The following ZCCHC24 variants were observed in gnomAD, a reference collection of about 807,000 sequenced individuals.
ZCCHC24 encodes the protein zinc finger CCHC domain-containing protein 24.
ZCCHC24 carries 10 observed loss-of-function variants against 26.2 expected under a neutral mutation model. The observed-to-expected ratio is 0.38, with a 90% CI of 0.24 to 0.65. The LOEUF (loss-of-function observed/expected upper bound fraction) is 0.65. Among genes scored for constraint, ZCCHC24 ranks in the 30% least tolerant of loss-of-function variants. ZCCHC24 has a pLI of 0.54. For synonymous variants in ZCCHC24, 144 were observed against 147.1 expected, an observed-to-expected ratio of 0.98 and a Z score of 0.15; for missense variants, 243 against 329.1, an observed-to-expected ratio of 0.74 and a Z score of 2.03.
At chr10:79,435,774 G>A (rs970154895) in intron 1 of ZCCHC24, among the ~76,000 whole-genome samples, 16 of 152,240 alleles carry the variant, frequency 1.1e-4, no homozygotes. Flanking sequence ...GCTGGCCAGT[G>A]TGAAGGGTGG....
chr10:79,397,451 A>T (rs1360029234), intron 2 of ZCCHC24, among the ~76,000 whole-genome samples: 1 of 152,126 alleles, frequency 6.6e-6, no homozygotes, highest in Non-Finnish European at 1.5e-5. Context: ...TGTCCCTCTG[A>T]CTGTTTCTGG....
chr10:79,445,444 G>A lies in ZCCHC24; in HGVS notation c.-4C>T, dbSNP rs1255849232. The A allele has an allele frequency of 1.4e-6, 2 of 1,445,590 alleles. No homozygotes were observed. Among genetic ancestry groups the A allele is most frequent in the Non-Finnish European group, 1.8e-6 (2 of 1,091,734 alleles). The allele number at this position is 1,445,590 out of a possible 1,614,324, so 89.5% of individuals were successfully genotyped here. On this transcript the variant is annotated 5_prime_UTR_variant, in exon 1 of 4. Transcript: ENST00000372336. ...CGATGGCCGACAGCAGGCTCATTTT[G>A]TGGCGGCGGTGCCGGCCCCTCCCCG...
chr10:79,423,589 A>ATATTTTATATATATATATATTT (rs1201819628), intron 2 of ZCCHC24, among the ~76,000 whole-genome samples: 1 of 93,106 alleles, frequency 1.1e-5, no homozygotes, highest in Admixed American at 1.0e-4. Context: ...TACTATATAT[A>ATATTTTATATATATATATATTT]TATATATATA....
At position 79,423,581 on chromosome 10, in the gene ZCCHC24, C is replaced by CTATATATATATTTTATATATATATATA; in HGVS notation, c.447+8976_447+8977insTATATATATATATAAAATATATATATA. On this transcript the variant is annotated intron_variant, in intron 2 of 3. Transcript: ENST00000372336. ...AACAAAAACAAACAAAATATATATA[C>CTATATATATATTTTATATATATATATA]TATATATATATATATATATATATAT... 2.7e-3 allele frequency among the ~76,000 whole-genome samples: 146 copies of CTATATATATATTTTATATATATATATA among 53,732 alleles called. 6 individuals carry two copies. Among genetic ancestry groups the CTATATATATATTTTATATATATATATA allele is most frequent in the African/African-American group, 6.0e-3 (78 of 13,012 alleles). The allele number at this position is 53,732 out of a possible 152,430, so 35.3% of individuals were successfully genotyped here.
Position 79,421,371 on chromosome 10 carries a change from C to T in ZCCHC24, c.447+11187G>A, listed in dbSNP as rs562133837. ...CCCCTGCTATGCCATCTGCCCTAGG[C>T]CCAGTCCTTCCTCAGTGGGAACACA... is the stretch of plus-strand genomic sequence containing the variant. On this transcript the variant is annotated intron_variant, in intron 2 of 3. Coordinates refer to ENST00000372336, the MANE Select transcript of ZCCHC24 (RefSeq NM_153367.4). Among the ~76,000 whole-genome samples, 96 of 152,226 alleles carry T rather than the reference C, an allele frequency of 6.3e-4. 1 individual carries two copies. Among genetic ancestry groups the T allele is most frequent in the African/African-American group, 2.0e-3 (84 of 41,530 alleles).
chr10:79,394,710 C>T, intron 2 of ZCCHC24: 3 of 897,122 alleles, frequency 3.3e-6, no homozygotes, highest in Non-Finnish European at 4.0e-6. Flanking sequence ...GGGTAAAGTA[C>T]TCAATGGTGG....
In ZCCHC24 at chr10:79,386,044, G is replaced by A; in HGVS notation, c.*301C>T. 1.9e-6 allele frequency: 1 copy of A among 532,684 alleles called. No individual in the cohort carries two copies. Among genetic ancestry groups the A allele is most frequent in the Non-Finnish European group, 3.4e-6 (1 of 296,442 alleles). The allele number at this position is 532,684 out of a possible 1,614,324, so 33.0% of individuals were successfully genotyped here. A position where few individuals can be genotyped will look rare whatever the true frequency, so the allele number is the denominator to read the frequency against. ...GAGGCTCTCAGAGGCGAGCCTGTGG[G>A]GACACCCAGGGCTCCTGGACATGGG... is the stretch of plus-strand genomic sequence containing the variant. On this transcript the variant is annotated 3_prime_UTR_variant, in exon 4 of 4. Coordinates refer to ENST00000372336, the MANE Select transcript of ZCCHC24 (RefSeq NM_153367.4).
At chr10:79,440,875 C>T (rs2132225775) in intron 1 of ZCCHC24, among the ~76,000 whole-genome samples, 1 of 152,250 alleles carries the variant, frequency 6.6e-6, no homozygotes, top group Non-Finnish European at 1.5e-5. Context: ...GTGGTCTTCC[C>T]TCTGAGTCCA....
intron 2 of ZCCHC24, among the ~76,000 whole-genome samples, chr10:79,405,689 A>G (rs1402815921): frequency 1.3e-5 from 2 of 152,182 alleles, no homozygotes; most frequent in Non-Finnish European, 1.5e-5. Context: ...GTGGGTCAAG[A>G]GGTGGAAAGG....
intron 2 of ZCCHC24, among the ~76,000 whole-genome samples, chr10:79,425,123 C>T (rs1857008259): frequency 6.6e-6 from 1 of 152,212 alleles, no homozygotes; most frequent in Non-Finnish European, 1.5e-5. Flanking sequence ...TGCGCCAGGC[C>T]CCCACCACAG....
At chr10:79,413,612 G>A (rs554991256) in intron 2 of ZCCHC24, among the ~76,000 whole-genome samples, 1 of 152,346 alleles carries the variant, frequency 6.6e-6, no homozygotes, top group Non-Finnish European at 1.5e-5. Context: ...CAGAAAGCCA[G>A]ACCTGGGCCT....
At chr10:79,426,473 C>A (rs11002978) in intron 2 of ZCCHC24, among the ~76,000 whole-genome samples, 51,725 of 152,068 alleles carry the variant, frequency 0.34, 10,364 homozygotes, top group Middle Eastern at 0.52. Flanking sequence ...AGCACTTCAA[C>A]AGACTTTAAG....
Position 79,385,928 on chromosome 10 carries a change from T to G in ZCCHC24, c.*417A>C. 2.4e-6 allele frequency: 1 copy of G among 411,196 alleles called. No homozygotes were observed. The highest frequency in any genetic ancestry group is 3.5e-5 in the East Asian group (1 of 28,582). The allele number at this position is 411,196 out of a possible 1,614,324, so 25.5% of individuals were successfully genotyped here. On this transcript the variant is annotated 3_prime_UTR_variant, in exon 4 of 4. Coordinates refer to ENST00000372336, the MANE Select transcript of ZCCHC24 (RefSeq NM_153367.4). This position sits in a 1 kb window ranked among gnomAD's most constrained non-coding sequence, Gnocchi z 4.3. ...ACAGGGCAAACCGGAAGGTTCTGGG[T>G]GGGGGCAGGCGGCCTGGCTGGTCTG...
intron 2 of ZCCHC24, among the ~76,000 whole-genome samples, chr10:79,423,166 C>G (rs1856970478): frequency 6.6e-6 from 1 of 152,090 alleles, no homozygotes; most frequent in African/African-American, 2.4e-5. Flanking sequence ...CGAAAGCTGC[C>G]CCAGACACCC....
intron 2 of ZCCHC24, among the ~76,000 whole-genome samples, chr10:79,400,686 C>T (rs1476196631): frequency 6.6e-6 from 1 of 152,210 alleles, no homozygotes; most frequent in Non-Finnish European, 1.5e-5. Context: ...CCCAAGGTGA[C>T]AGAAACCCCA....
At chr10:79,404,411 G>A (rs965043156) in intron 2 of ZCCHC24, among the ~76,000 whole-genome samples, 6 of 152,196 alleles carry the variant, frequency 3.9e-5, no homozygotes, top group African/African-American at 1.4e-4. Flanking sequence ...AGAGCGGAGG[G>A]GCGGGAGGGG....
In ZCCHC24 at chr10:79,434,680, A is replaced by G. The variant is rs141294425; in HGVS notation, c.247-1922T>C. The stretch of plus-strand genomic sequence containing the variant: ...TTCTGGGCCCCACCTCAGACCTACC[A>G]AAGCAGCCACCTGGAATCGAGGGCC... On this transcript the variant is annotated intron_variant, in intron 1 of 3. Coordinates refer to ENST00000372336, the MANE Select transcript of ZCCHC24 (RefSeq NM_153367.4). 7.9e-3 allele frequency among the ~76,000 whole-genome samples: 1,210 copies of G among 152,314 alleles called. 24 individuals are homozygous for G. Among genetic ancestry groups the G allele is most frequent in the African/African-American group, 0.027 (1,133 of 41,560 alleles).
Position 79,385,762 on chromosome 10 carries a change from T to G in ZCCHC24, c.*583A>C. 1 of 167,010 alleles carries G rather than the reference T, an allele frequency of 6.0e-6. No homozygotes were observed. Among genetic ancestry groups the G allele is most frequent in the Non-Finnish European group, 1.3e-5 (1 of 78,132 alleles). The allele number at this position is 167,010 out of a possible 1,614,324, so 10.3% of individuals were successfully genotyped here. ...GGGGCACACCCAGGTGCAATGCCAG[T>G]GATGTCAGAGGGGGTCTGGATTTGG... On this transcript the variant is annotated 3_prime_UTR_variant, in exon 4 of 4. Transcript: ENST00000372336. The surrounding 1 kb of genome is among the most constrained non-coding windows in gnomAD (Gnocchi z 4.3).
At chr10:79,435,328 C>A (rs903410326) in intron 1 of ZCCHC24, among the ~76,000 whole-genome samples, 1 of 151,994 alleles carries the variant, frequency 6.6e-6, no homozygotes, top group African/African-American at 2.4e-5. Context: ...CCAGAAAGTG[C>A]ACTAATTACA....
Sources: gnomAD v4.1 joint callset for allele counts (sites outside exome capture counted in the v4.1 genomes callset) on GRCh38, gnomAD v4.1.1 for gene constraint, Gnocchi (gnomAD v3.1) non-coding constraint, MANE v1.5 for transcripts, NCBI Gene and HGNC (gene_info 2026-07-23, HGNC 2026-07-21) for gene names.